Variants in DLG1 observed in about 807,000 individuals in gnomAD.
The protein encoded by DLG1 is discs large MAGUK scaffold protein 1.
In DLG1, 42 loss-of-function variants were observed where a neutral mutation model predicts 123.4. That is an observed-to-expected ratio of 0.34 (90% CI 0.27 to 0.44). DLG1 has a LOEUF of 0.44. Ranked by LOEUF, DLG1 falls within the 20% of genes least tolerant of loss-of-function variation. The probability of loss-of-function intolerance (pLI) is 1.00; values close to 1 mark genes in which losing one functional copy is unlikely to be tolerated. For synonymous variants in DLG1, 317 were observed against 356.2 expected, an observed-to-expected ratio of 0.89 and a Z score of 1.24; for missense variants, 942 against 1,082.6, an observed-to-expected ratio of 0.87 and a Z score of 1.82.
At chr3:197,219,007 G>A (rs977716767) in intron 4 of DLG1, among the ~76,000 whole-genome samples, 10 of 152,120 alleles carry the variant, frequency 6.6e-5, no homozygotes, top group Non-Finnish European at 1.2e-4. Context: ...GTGCATGACT[G>A]TAATCCCAGC....
At chr3:197,127,440 A>T (rs1579839263) in intron 11 of DLG1, among the ~76,000 whole-genome samples, 1 of 40,586 alleles carries the variant, frequency 2.5e-5, no homozygotes, top group African/African-American at 1.0e-4. Context: ...AAAAAAAAAA[A>T]AAAAAAAAAA....
At chr3:197,246,645 T>C (rs185454020) in intron 4 of DLG1, among the ~76,000 whole-genome samples, 5 of 152,300 alleles carry the variant, frequency 3.3e-5, no homozygotes, top group Admixed American at 2.0e-4. Flanking sequence ...GTGACCCCCA[T>C]GTTCTTGAGT....
chr3:197,106,194 C>T (rs939953567), intron 13 of DLG1, among the ~76,000 whole-genome samples: 2 of 152,180 alleles, frequency 1.3e-5, no homozygotes, highest in Non-Finnish European at 2.9e-5. Context: ...TCACTTGAGG[C>T]CAGGAGTCTC....
intron 3 of DLG1, among the ~76,000 whole-genome samples, chr3:197,286,432 T>C (rs1771880843): frequency 6.6e-6 from 1 of 152,170 alleles, no homozygotes; most frequent in African/African-American, 2.4e-5. Flanking sequence ...ACAATCTAGA[T>C]CCCTTGCACG....
At chr3:197,243,878 G>A (rs1750249693) in intron 4 of DLG1, among the ~76,000 whole-genome samples, 1 of 152,174 alleles carries the variant, frequency 6.6e-6, no homozygotes, top group South Asian at 2.1e-4. Flanking sequence ...ATATAAACAT[G>A]AGAGTCAAAG....
intron 4 of DLG1, among the ~76,000 whole-genome samples, chr3:197,244,219 G>A (rs1750433664): frequency 6.6e-6 from 1 of 152,206 alleles, no homozygotes; most frequent in Non-Finnish European, 1.5e-5. Context: ...CTGACCCGCA[G>A]GGTGCTGGAC....
At chr3:197,291,143 C>T (rs1052291349) in intron 3 of DLG1, among the ~76,000 whole-genome samples, 1 of 152,102 alleles carries the variant, frequency 6.6e-6, no homozygotes, top group African/African-American at 2.4e-5. Context: ...CAAAACACTG[C>T]TTCAGAGCAG....
chr3:197,160,113 C>A (rs1798201564), intron 5 of DLG1, among the ~76,000 whole-genome samples: 1 of 152,132 alleles, frequency 6.6e-6, no homozygotes, highest in Non-Finnish European at 1.5e-5. Flanking sequence ...GACTGGAATT[C>A]CAACCCCAGG....
At chr3:197,095,167 T>A (rs544923255) in intron 14 of DLG1, among the ~76,000 whole-genome samples, 1 of 152,324 alleles carries the variant, frequency 6.6e-6, no homozygotes, top group South Asian at 2.1e-4. Flanking sequence ...TCCTGAACCA[T>A]TTGACAGCAA....
At chr3:197,275,407 G>C (rs1327490410) in intron 4 of DLG1, among the ~76,000 whole-genome samples, 1 of 151,198 alleles carries the variant, frequency 6.6e-6, no homozygotes, top group East Asian at 2.0e-4. Context: ...ACACCCAAAA[G>C]AAAACAAACC....
chr3:197,075,325 A>G (rs892905482), intron 18 of DLG1, among the ~76,000 whole-genome samples: 14 of 135,072 alleles, frequency 1.0e-4, no homozygotes, highest in African/African-American at 3.4e-4. Flanking sequence ...CTCAAAAAAA[A>G]AAAAAAAAAA....
intron 4 of DLG1, among the ~76,000 whole-genome samples, chr3:197,242,354 C>A (rs1749368381): frequency 6.6e-6 from 1 of 151,962 alleles, no homozygotes. Flanking sequence ...GACTTTAATA[C>A]CCTACTCTCA....
At chr3:197,105,277 G>A (rs1765723063) in intron 13 of DLG1, among the ~76,000 whole-genome samples, 1 of 152,148 alleles carries the variant, frequency 6.6e-6, no homozygotes, top group African/African-American at 2.4e-5. Flanking sequence ...TCAATCCATT[G>A]AGAAATGTAC....
At chr3:197,274,136 C>T (rs754118164) in intron 4 of DLG1, among the ~76,000 whole-genome samples, 4 of 152,006 alleles carry the variant, frequency 2.6e-5, no homozygotes, top group African/African-American at 4.8e-5. Context: ...TAAAACACTC[C>T]GAATACCCAG....
chr3:197,193,365 A>T (rs1031801809), intron 5 of DLG1, among the ~76,000 whole-genome samples: 1 of 152,178 alleles, frequency 6.6e-6, no homozygotes, highest in African/African-American at 2.4e-5. Flanking sequence ...AAGAATACCG[A>T]TTGAAGAGAA....
chr3:197,139,524 G>T (rs1345759189), intron 8 of DLG1, among the ~76,000 whole-genome samples: 1 of 152,066 alleles, frequency 6.6e-6, no homozygotes, highest in Non-Finnish European at 1.5e-5. Flanking sequence ...TAGGAAAAAT[G>T]ACATAATTTA....
intron 11 of DLG1, among the ~76,000 whole-genome samples, chr3:197,121,139 C>T (rs957135996): frequency 2.0e-5 from 3 of 152,252 alleles, no homozygotes; most frequent in Non-Finnish European, 4.4e-5. Context: ...TTCCCTGACA[C>T]ATCCAGACTA....
intron 14 of DLG1, among the ~76,000 whole-genome samples, chr3:197,092,465 T>C (rs531027288): frequency 1.3e-5 from 2 of 152,330 alleles, no homozygotes; most frequent in African/African-American, 4.8e-5. Context: ...TTTTAATCCT[T>C]AGGCTATAGC....
At chr3:197,281,393 T>C (rs1372493527) in intron 4 of DLG1, among the ~76,000 whole-genome samples, 1 of 152,170 alleles carries the variant, frequency 6.6e-6, no homozygotes, top group Non-Finnish European at 1.5e-5. Flanking sequence ...GGAGTCCTCA[T>C]GGCCTAATCA....
Sources: gnomAD v4.1 joint callset for allele counts (sites outside exome capture counted in the v4.1 genomes callset) on GRCh38, gnomAD v4.1.1 for gene constraint, MANE v1.5 for transcripts, NCBI Gene and HGNC (gene_info 2026-07-23, HGNC 2026-07-21) for gene names.